The following HMCN1 variants were observed in gnomAD, a reference collection of about 807,000 sequenced individuals.
HMCN1 encodes hemicentin-1.
HMCN1 carries 321 observed loss-of-function variants against 625.9 expected under a neutral mutation model. The ratio of observed to expected loss-of-function variants is 0.51; its 90% confidence interval spans 0.47 to 0.56. The LOEUF (loss-of-function observed/expected upper bound fraction) is 0.56, where lower values mean the gene tolerates loss of function less well. Ranked by LOEUF, HMCN1 falls within the 20% of genes least tolerant of loss-of-function variation. The pLI is 0.00. For synonymous variants in HMCN1, 2,425 were observed against 2,417.6 expected (o/e 1.00, Z -0.09); for missense variants, 6,588 against 6,887.3 (o/e 0.96, Z 1.54).
intron 40 of HMCN1, among the ~76,000 whole-genome samples, chr1:186,044,431 A>G (rs1656422157): frequency 6.6e-6 from 1 of 152,120 alleles, no homozygotes; most frequent in Non-Finnish European, 1.5e-5. Context: ...TCTTTGGTTC[A>G]TACCCTTTCC....
chr1:185,938,981 A>G (rs555311024), intron 11 of HMCN1, among the ~76,000 whole-genome samples: 1 of 152,348 alleles, frequency 6.6e-6, no homozygotes, highest in South Asian at 2.1e-4. Context: ...AGCCATCAAA[A>G]GGACATTCTC....
At chr1:186,018,418 C>T in intron 34 of HMCN1, 66 bp downstream of exon 34, 1 of 1,389,526 alleles carries the variant, frequency 7.2e-7, no homozygotes, top group Non-Finnish European at 1.0e-6. Context: ...TATTATCTAA[C>T]TCAGATTGTA....
chr1:186,155,476 T>C (rs1164451193), intron 97 of HMCN1, among the ~76,000 whole-genome samples: 2 of 152,184 alleles, frequency 1.3e-5, no homozygotes, highest in South Asian at 2.1e-4. Flanking sequence ...TTTTCAGTAC[T>C]CCATCTAATT....
chr1:186,064,891 A>T (rs1002146468), intron 48 of HMCN1, among the ~76,000 whole-genome samples: 1 of 151,886 alleles, frequency 6.6e-6, no homozygotes, highest in Non-Finnish European at 1.5e-5. Flanking sequence ...TGCATTATTT[A>T]AAAACTGTAC....
intron 1 of HMCN1, among the ~76,000 whole-genome samples, chr1:185,806,968 G>A (rs145863545): frequency 9.1e-4 from 138 of 152,042 alleles, no homozygotes; most frequent in African/African-American, 3.1e-3. Flanking sequence ...AGTGTTTCTC[G>A]ATGATTGAAA....
intron 15 of HMCN1, among the ~76,000 whole-genome samples, chr1:185,973,356 AT>A (rs1362335738): frequency 6.6e-6 from 1 of 152,124 alleles, no homozygotes; most frequent in African/African-American, 2.4e-5. Flanking sequence ...AAGCATTGGG[AT>A]TTTAATGTGA....
At chr1:186,017,114 T>C (rs894449370) in intron 33 of HMCN1, 43 bp downstream of exon 33, 2 of 1,012,514 alleles carry the variant, frequency 2.0e-6, no homozygotes, top group African/African-American at 1.6e-5. Flanking sequence ...CTGCTTTTTG[T>C]TTTGAGTGTT....
At chr1:186,094,723 G>A (rs371237323) in intron 67 of HMCN1, among the ~76,000 whole-genome samples, 2 of 152,104 alleles carry the variant, frequency 1.3e-5, no homozygotes, top group East Asian at 1.9e-4. Flanking sequence ...ACTATGAATG[G>A]ATGCATGTGC....
At chr1:186,122,550 A>G (rs1253797295) in intron 80 of HMCN1, among the ~76,000 whole-genome samples, 1 of 152,252 alleles carries the variant, frequency 6.6e-6, no homozygotes, top group African/African-American at 2.4e-5. Context: ...ATACGTAAGT[A>G]AAAGTATCCA....
chr1:185,939,752 G>A lies in HMCN1; in HGVS notation c.1828+5928G>A, dbSNP rs549768472. Among the ~76,000 whole-genome samples, 118 of 151,848 alleles carry A rather than the reference G, an allele frequency of 7.8e-4. 1 individual carries two copies. The highest frequency in any genetic ancestry group is 1.6e-3 in the Non-Finnish European group (106 of 67,932). On this transcript the variant is annotated intron_variant, in intron 11 of 106. Transcript: ENST00000271588. ...CTAGATATTGAGAATGTGCCTTATC[G>A]CTTTCATATTTAAAATAATTGAAAA...
chr1:186,103,686 T>C lies in HMCN1; in HGVS notation c.10770+18T>C. The C allele has an allele frequency of 6.2e-7, 1 of 1,608,654 alleles. No individual in the cohort carries two copies. The highest frequency in any genetic ancestry group is 8.5e-7 in the Non-Finnish European group (1 of 1,175,842). On this transcript the variant is annotated intron_variant, in intron 69 of 106. Coordinates refer to ENST00000271588, the MANE Select transcript of HMCN1 (RefSeq NM_031935.3). Reference sequence around the variant, plus strand: ...CTGCTCAGGTAAGTGTCAAAGTTCATAGAATTATTTTAGGTTAGGTCAAAC... The same window carrying C: ...CTGCTCAGGTAAGTGTCAAAGTTCACAGAATTATTTTAGGTTAGGTCAAAC...
At chr1:185,735,144 A>G in intron 1 of HMCN1, 97 bp downstream of exon 1, 3 of 1,377,552 alleles carry the variant, frequency 2.2e-6, no homozygotes, top group Non-Finnish European at 3.1e-6. Flanking sequence ...TTTCAAAACC[A>G]TTTTAAAAAA....
intron 40 of HMCN1, among the ~76,000 whole-genome samples, chr1:186,044,555 G>A (rs1053787008): frequency 9.9e-5 from 15 of 152,066 alleles, no homozygotes; most frequent in African/African-American, 3.4e-4. Flanking sequence ...GAAGTATCAA[G>A]CCTGAAACAA....
chr1:186,011,385 A>G (rs954321932), intron 30 of HMCN1, among the ~76,000 whole-genome samples: 6 of 152,176 alleles, frequency 3.9e-5, no homozygotes, highest in Non-Finnish European at 5.9e-5. Context: ...TTCGTCTTTG[A>G]AAATGTTTCT....
At chr1:185,946,487 C>T (rs907977042) in intron 11 of HMCN1, among the ~76,000 whole-genome samples, 2 of 152,112 alleles carry the variant, frequency 1.3e-5, no homozygotes, top group South Asian at 4.1e-4. Context: ...CTTTTCTAAG[C>T]CAAATGGGAA....
intron 68 of HMCN1, among the ~76,000 whole-genome samples, chr1:186,099,210 A>G (rs1053325379): frequency 6.6e-6 from 1 of 152,146 alleles, no homozygotes; most frequent in African/African-American, 2.4e-5. Flanking sequence ...TGGAAATGCT[A>G]ATTACCCTGA....
At chr1:185,845,651 T>C (rs1374752871) in intron 1 of HMCN1, among the ~76,000 whole-genome samples, 1 of 152,224 alleles carries the variant, frequency 6.6e-6, no homozygotes, top group Non-Finnish European at 1.5e-5. Context: ...ATTTACACTT[T>C]AAAGTTGGGC....
At chr1:185,856,508 AT>A (rs966940945) in intron 2 of HMCN1, among the ~76,000 whole-genome samples, 16 of 150,918 alleles carry the variant, frequency 1.1e-4, no homozygotes, top group South Asian at 2.1e-4. Flanking sequence ...AAAAAAGGAA[AT>A]TTTTTTTTGT....
At chr1:186,074,680 A>G (rs1175995482) in intron 52 of HMCN1, 61 bp from the exon 53 acceptor site, 2 of 1,451,418 alleles carry the variant, frequency 1.4e-6, no homozygotes, top group East Asian at 2.3e-5. Context: ...TATCAACTGC[A>G]TGGCCTCTTA....
Sources: gnomAD v4.1 joint callset for allele counts (sites outside exome capture counted in the v4.1 genomes callset) on GRCh38, gnomAD v4.1.1 for gene constraint, MANE v1.5 for transcripts, NCBI Gene and HGNC (gene_info 2026-07-23, HGNC 2026-07-21) for gene names.